The following PLPP4 variants were observed in gnomAD, a reference collection of about 807,000 sequenced individuals.
The protein encoded by PLPP4 is diacylglycerol pyrophosphate like 2.
A neutral mutation model predicts 32.2 loss-of-function variants in PLPP4; 20 were observed. That is an observed-to-expected ratio of 0.62 (90% confidence interval 0.44 to 0.90). The LOEUF is 0.90. PLPP4 is among the 40% of genes least tolerant of loss of function. The probability of loss-of-function intolerance (pLI) is 0.00; values close to 1 mark genes in which losing one functional copy is unlikely to be tolerated. For missense variants in PLPP4, 257 were observed against 353.1 expected, an observed-to-expected ratio of 0.73 and a Z score of 2.18; for synonymous variants, 127 against 133.0, an observed-to-expected ratio of 0.95 and a Z score of 0.31.
At chr10:120,586,515 A>G (rs553542731) in intron 6 of PLPP4, among the ~76,000 whole-genome samples, 1 of 152,256 alleles carries the variant, frequency 6.6e-6, no homozygotes, top group South Asian at 2.1e-4. Flanking sequence ...TGGAACACTT[A>G]CATAACAAGG....
At chr10:120,473,448 A>C (rs1848601393) in intron 1 of PLPP4, among the ~76,000 whole-genome samples, 1 of 152,104 alleles carries the variant, frequency 6.6e-6, no homozygotes, top group Middle Eastern at 3.2e-3. Context: ...CTGGGTGCTG[A>C]AATCTCTGCT....
intron 2 of PLPP4, among the ~76,000 whole-genome samples, chr10:120,509,708 A>G (rs928925995): frequency 2.0e-5 from 3 of 152,158 alleles, no homozygotes; most frequent in Non-Finnish European, 2.9e-5. Context: ...TATTTGTACA[A>G]TGGGAATAAT....
In PLPP4 at chr10:120,576,770, T is replaced by C. The variant is rs1170588520; in HGVS notation, c.616+1469T>C. On this transcript the variant is annotated intron_variant, in intron 6 of 6. Transcript: ENST00000398250. ...CCCTTGTTCTGTTTTTATCAATGAC[T>C]TGGATGAAATTCTGGATGATAAGAA... Among the ~76,000 whole-genome samples the C allele has an allele frequency of 2.0e-5, 3 of 152,172 alleles. No homozygotes were observed. In the East Asian group the frequency reaches 5.8e-4, roughly 29 times the overall value.
At chr10:120,554,868 C>T (rs192463960) in intron 5 of PLPP4, among the ~76,000 whole-genome samples, 284 of 152,224 alleles carry the variant, frequency 1.9e-3, no homozygotes, top group Middle Eastern at 6.8e-3. Context: ...CCACCAGGCC[C>T]CTCCTCCAAC....
chr10:120,585,675 G>A (rs1849718559), intron 6 of PLPP4, among the ~76,000 whole-genome samples: 1 of 152,210 alleles, frequency 6.6e-6, no homozygotes, highest in African/African-American at 2.4e-5. Context: ...ACTTGCCCTG[G>A]TAGGGCCTGC....
At chr10:120,572,811 T>TA (rs1849006213) in intron 5 of PLPP4, among the ~76,000 whole-genome samples, 1 of 152,194 alleles carries the variant, frequency 6.6e-6, no homozygotes, top group Non-Finnish European at 1.5e-5. Flanking sequence ...GGATAGAATT[T>TA]AAGAAGTCGT....
chr10:120,496,176 G>A (rs1844955679), intron 1 of PLPP4, among the ~76,000 whole-genome samples: 1 of 152,198 alleles, frequency 6.6e-6, no homozygotes. Flanking sequence ...AAAAAGGCCT[G>A]TCATCCAGGC....
chr10:120,586,038 A>G (rs1229829421), intron 6 of PLPP4, among the ~76,000 whole-genome samples: 2 of 152,174 alleles, frequency 1.3e-5, no homozygotes, highest in East Asian at 3.8e-4. Context: ...GGTCTCTCCC[A>G]TTGACTAGTT....
At chr10:120,580,253 T>A (rs1241724870) in intron 6 of PLPP4, among the ~76,000 whole-genome samples, 1 of 151,536 alleles carries the variant, frequency 6.6e-6, no homozygotes, top group East Asian at 1.9e-4. Flanking sequence ...GGTAGTAAAA[T>A]CTAGGGGAGG....
rs747045154 is a variant in PLPP4 at position 120,589,524 on chromosome 10, C to A, written c.*22C>A. On this transcript the variant is annotated 3_prime_UTR_variant, in exon 7 of 7. Transcript: ENST00000398250. ...ATGACCAGTGTCCTGGGAGGATGGA[C>A]ACTAAGCCCTGGGCACATCTGCCAC... The A allele has an allele frequency of 8.1e-6, 13 of 1,600,546 alleles. No individual in the cohort carries two copies. Among genetic ancestry groups the A allele is most frequent in the South Asian group, 6.6e-5 (6 of 90,402 alleles).
intron 5 of PLPP4, among the ~76,000 whole-genome samples, chr10:120,547,048 G>A (rs1363096682): frequency 6.6e-6 from 1 of 151,908 alleles, no homozygotes; most frequent in Non-Finnish European, 1.5e-5. Context: ...GGGACCCTAG[G>A]TAGCATGTTC....
intron 5 of PLPP4, among the ~76,000 whole-genome samples, chr10:120,529,359 A>G (rs1846590763): frequency 6.6e-6 from 1 of 152,208 alleles, no homozygotes; most frequent in Non-Finnish European, 1.5e-5. Flanking sequence ...TTCTAGGGTA[A>G]TTAGGCAAAT....
chr10:120,457,430 C>A, intron 1 of PLPP4, 69 bp downstream of exon 1: 2 of 1,421,956 alleles, frequency 1.4e-6, no homozygotes, highest in Non-Finnish European at 9.5e-7. Flanking sequence ...CTCTCTGTGC[C>A]CTAACTTAGT....
chr10:120,553,687 CTT>C (rs1257928456), intron 5 of PLPP4, among the ~76,000 whole-genome samples: 1 of 152,214 alleles, frequency 6.6e-6, no homozygotes, highest in East Asian at 1.9e-4. Flanking sequence ...TACCCACAGA[CTT>C]AACACCATGT....
intron 6 of PLPP4, among the ~76,000 whole-genome samples, chr10:120,584,772 AAC>A (rs1402020424): frequency 2.0e-5 from 3 of 152,200 alleles, no homozygotes; most frequent in Non-Finnish European, 2.9e-5. Context: ...CTTTGTAATA[AAC>A]ACAGCCCCAA....
chr10:120,575,795 AT>A (rs1849195820), intron 6 of PLPP4, among the ~76,000 whole-genome samples: 1 of 152,216 alleles, frequency 6.6e-6, no homozygotes, highest in Admixed American at 6.5e-5. Context: ...AGGTTTGCCT[AT>A]ATATATACAT....
At chr10:120,560,026 G>A (rs952272544) in intron 5 of PLPP4, among the ~76,000 whole-genome samples, 9 of 152,166 alleles carry the variant, frequency 5.9e-5, no homozygotes, top group African/African-American at 1.7e-4. Context: ...ACCGTGTGGC[G>A]CTGATCACCT....
chr10:120,553,320 G>A (rs139637251), intron 5 of PLPP4, among the ~76,000 whole-genome samples: 1 of 152,200 alleles, frequency 6.6e-6, no homozygotes, highest in East Asian at 1.9e-4. Flanking sequence ...CCTAATGATA[G>A]GTCATAGGGT....
chr10:120,563,011 G>A lies in PLPP4; in HGVS notation c.446-12120G>A, dbSNP rs561472734. On this transcript the variant is annotated intron_variant, in intron 5 of 6. Transcript: ENST00000398250. ...TCCTAGCAGTTTGGGAAGCCAAGGC[G>A]GGTGGATCACCTGAGGTCAGGAGTT... Among the ~76,000 whole-genome samples the A allele has an allele frequency of 3.4e-4, 52 of 152,284 alleles. No homozygotes were observed. The South Asian group carries it at 1.0e-2, about 29-fold the overall frequency.
Sources: allele counts gnomAD v4.1 joint callset (sites outside exome capture counted in the v4.1 genomes callset), GRCh38; gene constraint gnomAD v4.1.1; transcripts MANE v1.5; gene names NCBI Gene and HGNC (gene_info 2026-07-23, HGNC 2026-07-21).